The following GLG1 variants were observed in gnomAD, a reference collection of about 807,000 sequenced individuals.
GLG1 encodes the protein Golgi apparatus protein 1.
GLG1 carries 38 observed loss-of-function variants against 160.5 expected under a neutral mutation model. The observed-to-expected ratio is 0.24, with a 90% CI of 0.18 to 0.31. The LOEUF is 0.31. GLG1 is among the 10% of genes least tolerant of loss of function. GLG1 has a pLI of 1.00. For synonymous variants in GLG1, 644 were observed against 543.4 expected (o/e 1.19, Z -2.57); for missense variants, 1,373 against 1,505.2 (o/e 0.91, Z 1.45).
intron 4 of GLG1, among the ~76,000 whole-genome samples, chr16:74,503,329 C>T (rs959578830): frequency 1.3e-5 from 2 of 152,066 alleles, no homozygotes; most frequent in African/African-American, 2.4e-5. Context: ...CCTCTGCTTC[C>T]CATACAGTAC....
intron 1 of GLG1, among the ~76,000 whole-genome samples, chr16:74,584,793 G>C (rs543411497): frequency 1.3e-4 from 20 of 152,228 alleles, no homozygotes; most frequent in Middle Eastern, 6.8e-3. Flanking sequence ...GTGCGCGCCT[G>C]TAGTCCCAGC....
intron 1 of GLG1, among the ~76,000 whole-genome samples, chr16:74,601,598 A>T (rs1958441445): frequency 6.6e-6 from 1 of 152,184 alleles, no homozygotes; most frequent in South Asian, 2.1e-4. Flanking sequence ...AAATGCTTCC[A>T]GTGTTCTAGT....
intron 24 of GLG1, among the ~76,000 whole-genome samples, chr16:74,457,289 C>G (rs1269584305): frequency 6.6e-6 from 1 of 152,116 alleles, no homozygotes; most frequent in Non-Finnish European, 1.5e-5. Context: ...CTCAGTTACT[C>G]AGGAGGTTAA....
Position 74,552,357 on chromosome 16 carries a change from C to A in GLG1, c.439-20204G>T, listed in dbSNP as rs530845769. ...CACCTTCCTAAGTACCCAGACCTGG[C>A]AGAAGACAAGAATGTGCCCAACCTT... On this transcript the variant is annotated intron_variant, in intron 1 of 25. Transcript: ENST00000422840. 1,368 of 589,030 alleles carry A rather than the reference C, an allele frequency of 2.3e-3. 7 individuals carry two copies. The highest frequency in any genetic ancestry group is 5.7e-3 in the South Asian group (375 of 66,258). 36.5% of individuals were successfully genotyped at this position (589,030 alleles called of 1,614,324 possible).
At chr16:74,469,169 G>A (rs893644574) in intron 16 of GLG1, 106 bp from the exon 17 acceptor site, 1 of 746,944 alleles carries the variant, frequency 1.3e-6, no homozygotes, top group East Asian at 2.5e-5. Context: ...GATGCCCTTT[G>A]GGGGAATGTC....
chr16:74,496,745 CACAA>C, intron 4 of GLG1, 101 bp from the exon 5 acceptor site: 1 of 740,760 alleles, frequency 1.3e-6, no homozygotes, highest in Non-Finnish European at 2.3e-6. Flanking sequence ...CACACACACA[CACAA>C]AGTAATAAAA....
At chr16:74,547,453 A>C (rs1016039788) in intron 1 of GLG1, among the ~76,000 whole-genome samples, 1 of 152,152 alleles carries the variant, frequency 6.6e-6, no homozygotes, top group African/African-American at 2.4e-5. Flanking sequence ...TATTGGCTTA[A>C]GGCTCAGTTT....
At chr16:74,585,088 T>G (rs1357869237) in intron 1 of GLG1, among the ~76,000 whole-genome samples, 1 of 150,956 alleles carries the variant, frequency 6.6e-6, no homozygotes, top group Non-Finnish European at 1.5e-5. Context: ...AACCCTATCT[T>G]TAAATCGCAG....
chr16:74,452,436 T>G lies in GLG1; in HGVS notation c.*731A>C. On this transcript the variant is annotated 3_prime_UTR_variant, in exon 26 of 26. Transcript: ENST00000422840. ...CTTCCCCTCCCCAGCTGCCCTTGTC[T>G]AGGAAGGCTCATGCTTTGCTTCAAT... 1 of 1,139,916 alleles carries G rather than the reference T, an allele frequency of 8.8e-7. No homozygotes were observed. The allele number at this position is 1,139,916 out of a possible 1,614,324, so 70.6% of individuals were successfully genotyped here.
chr16:74,524,411 G>A (rs377115938), intron 2 of GLG1, among the ~76,000 whole-genome samples: 8 of 152,010 alleles, frequency 5.3e-5, no homozygotes, highest in Non-Finnish European at 7.4e-5. Context: ...TTATAGACAC[G>A]TTTTATCAGA....
rs532622721 is a variant in GLG1, at chr16:74,597,252, G to A, written c.438+9405C>T. Reference sequence around the variant, plus strand: ...TCAAGACCAGCATGTCCAACATGGCGAAACCCCGTCTCTAGTAAAAATACA... The same window carrying A: ...TCAAGACCAGCATGTCCAACATGGCAAAACCCCGTCTCTAGTAAAAATACA... On this transcript the variant is annotated intron_variant, in intron 1 of 25. Transcript: ENST00000422840. Among the ~76,000 whole-genome samples, 263 of 151,728 alleles carry A rather than the reference G, an allele frequency of 1.7e-3. 1 individual carries two copies. The highest frequency in any genetic ancestry group is 5.9e-3 in the African/African-American group (244 of 41,376).
chr16:74,581,705 G>C (rs931166776), intron 1 of GLG1, among the ~76,000 whole-genome samples: 7 of 152,186 alleles, frequency 4.6e-5, no homozygotes, highest in East Asian at 1.9e-4. Context: ...GAGGTCAGGA[G>C]TTCGAGACCA....
chr16:74,456,447 A>G, intron 25 of GLG1: 1 of 534,418 alleles, frequency 1.9e-6, no homozygotes, highest in Non-Finnish European at 3.3e-6. Context: ...GGCGCGAGCC[A>G]CCGCGCCCGG....
chr16:74,453,411 T>C (rs754196362), intron 25 of GLG1, 77 bp from the exon 26 acceptor site: 5 of 864,626 alleles, frequency 5.8e-6, no homozygotes, highest in Non-Finnish European at 9.2e-6. Flanking sequence ...CTTATCCCTC[T>C]CAGTTCCTAG....
chr16:74,479,697 A>C (rs906698372), intron 11 of GLG1, among the ~76,000 whole-genome samples: 7 of 152,206 alleles, frequency 4.6e-5, no homozygotes, highest in Admixed American at 1.3e-4. Context: ...GCCATCGTGG[A>C]GAACAAGTGC....
At chr16:74,514,948 A>G (rs1338704127) in intron 2 of GLG1, among the ~76,000 whole-genome samples, 1 of 152,146 alleles carries the variant, frequency 6.6e-6, no homozygotes, top group Non-Finnish European at 1.5e-5. Context: ...AGGAAGATCT[A>G]CCAAGCAAAT....
At chr16:74,470,852 G>A (rs2015183004) in intron 15 of GLG1, among the ~76,000 whole-genome samples, 1 of 152,086 alleles carries the variant, frequency 6.6e-6, no homozygotes, top group Non-Finnish European at 1.5e-5. Context: ...CCGCCTCCCA[G>A]GTTCAAGCAA....
chr16:74,468,633 C>A (rs11643606), intron 17 of GLG1: 1 of 279,234 alleles, frequency 3.6e-6, no homozygotes. Flanking sequence ...TCCCAAAGTG[C>A]TGGGATTACC....
chr16:74,591,176 C>T (rs1449013341), intron 1 of GLG1, among the ~76,000 whole-genome samples: 2 of 151,690 alleles, frequency 1.3e-5, no homozygotes, highest in African/African-American at 2.4e-5. Flanking sequence ...ACTAAAAATA[C>T]AAAAATTAGC....
Sources: allele counts gnomAD v4.1 joint callset (sites outside exome capture counted in the v4.1 genomes callset), GRCh38; gene constraint gnomAD v4.1.1; transcripts MANE v1.5; gene names NCBI Gene and HGNC (gene_info 2026-07-23, HGNC 2026-07-21).